The following GSE1 variants were observed in gnomAD, a reference collection of about 807,000 sequenced individuals.
GSE1 encodes the protein genetic suppressor element 1.
GSE1 carries 32 observed loss-of-function variants against 112.6 expected under a neutral mutation model. The observed-to-expected ratio is 0.28, with a 90% CI of 0.21 to 0.38. The LOEUF is 0.38. Ranked by LOEUF, GSE1 falls within the 10% of genes least tolerant of loss-of-function variation. The probability of loss-of-function intolerance (pLI) is 1.00; values close to 1 mark genes in which losing one functional copy is unlikely to be tolerated. For synonymous variants in GSE1, 1,115 were observed against 735.6 expected, an observed-to-expected ratio of 1.52 and a Z score of -8.35; for missense variants, 2,348 against 1,699.2, an observed-to-expected ratio of 1.38 and a Z score of -6.71.
At chr16:85,430,060 G>A (rs957889355) in intron 2 of GSE1, among the ~76,000 whole-genome samples, 1 of 152,228 alleles carries the variant, frequency 6.6e-6, no homozygotes, top group Non-Finnish European at 1.5e-5. Context: ...AGTCCTCGGG[G>A]AATCCATCGG....
chr16:85,410,986 C>T (rs1315125902), intron 2 of GSE1, among the ~76,000 whole-genome samples: 10 of 91,834 alleles, frequency 1.1e-4, no homozygotes, highest in East Asian at 3.1e-4. Flanking sequence ...CAGGGCCCCC[C>T]GGATAATCCT....
chr16:85,435,056 G>A (rs1001391365), intron 2 of GSE1, among the ~76,000 whole-genome samples: 8 of 152,228 alleles, frequency 5.3e-5, no homozygotes, highest in African/African-American at 1.2e-4. Context: ...ATCTTGATGC[G>A]CTTAATCATT....
intron 1 of GSE1, among the ~76,000 whole-genome samples, chr16:85,354,397 A>T (rs2046908927): frequency 1.3e-5 from 2 of 152,260 alleles, no homozygotes. Context: ...GCCCTAGATC[A>T]GTGCCTGGCA....
At chr16:85,392,986 T>C (rs536251769) in intron 2 of GSE1, among the ~76,000 whole-genome samples, 3 of 152,270 alleles carry the variant, frequency 2.0e-5, no homozygotes, top group Middle Eastern at 6.8e-3. Context: ...GGGCTCGGCC[T>C]CCTCCCTCAC....
In GSE1 at chr16:85,445,384, A is replaced by T. The variant is rs531457775; in HGVS notation, c.2464+87741A>T. On this transcript the variant is annotated intron_variant, in intron 2 of 2. Transcript: ENST00000637419. ...TGAACATGGGGGGCGGGAGAGGCTG[A>T]GGAAAGGTGGGCTGGACCAGCCCTC... is the stretch of plus-strand genomic sequence containing the variant. Among the ~76,000 whole-genome samples, 24 of 152,294 alleles carry T rather than the reference A, an allele frequency of 1.6e-4. No homozygotes were observed. In the South Asian group the frequency reaches 4.8e-3, roughly 30 times the overall value.
intron 2 of GSE1, among the ~76,000 whole-genome samples, chr16:85,522,282 C>T (rs2052211415): frequency 6.6e-6 from 1 of 152,268 alleles, no homozygotes; most frequent in South Asian, 2.1e-4. Context: ...CAAAGCCTGC[C>T]TGAGCTGTGG....
chr16:85,290,732 G>A (rs1296886023), intron 1 of GSE1, among the ~76,000 whole-genome samples: 1 of 151,944 alleles, frequency 6.6e-6, no homozygotes, highest in Non-Finnish European at 1.5e-5. Context: ...GATAGGAGAT[G>A]GCCACCCACG....
At chr16:85,558,164 G>C (rs2045328813) in intron 1 of GSE1, among the ~76,000 whole-genome samples, 1 of 152,212 alleles carries the variant, frequency 6.6e-6, no homozygotes, top group South Asian at 2.1e-4. Context: ...CCAGGTAAAT[G>C]AGGGCTGGGT....
At chr16:85,486,413 C>T (rs2050841503) in intron 2 of GSE1, among the ~76,000 whole-genome samples, 1 of 152,238 alleles carries the variant, frequency 6.6e-6, no homozygotes. Context: ...TTGCCCAGGG[C>T]CGCCGTTACC....
intron 2 of GSE1, among the ~76,000 whole-genome samples, chr16:85,376,106 C>T (rs909600137): frequency 1.4e-4 from 21 of 152,160 alleles, no homozygotes; most frequent in African/African-American, 4.6e-4. Flanking sequence ...GGTCCTCACC[C>T]CCGCCAAAGA....
At chr16:85,354,335 C>T (rs547651565) in intron 1 of GSE1, among the ~76,000 whole-genome samples, 1 of 152,370 alleles carries the variant, frequency 6.6e-6, no homozygotes, top group South Asian at 2.1e-4. Context: ...CAGTTCATCT[C>T]TTCCTGCCTC....
At chr16:85,409,327 T>C (rs370778261) in intron 2 of GSE1, among the ~76,000 whole-genome samples, 41 of 34,936 alleles carry the variant, frequency 1.2e-3, no homozygotes, top group South Asian at 1.4e-3. Flanking sequence ...TAATCCTCAC[T>C]GTTACACTCA....
chr16:85,566,983 T>C (rs1352851769), intron 1 of GSE1, among the ~76,000 whole-genome samples: 1 of 152,018 alleles, frequency 6.6e-6, no homozygotes, highest in Admixed American at 6.5e-5. Context: ...GTCGGAAGTG[T>C]CACGGCCTTT....
Position 85,373,885 on chromosome 16 carries a change from C to T in GSE1, c.2464+16242C>T, listed in dbSNP as rs78280133. 4.0e-3 allele frequency among the ~76,000 whole-genome samples: 605 copies of T among 152,258 alleles called. 4 individuals are homozygous for T. The highest frequency in any genetic ancestry group is 6.5e-3 in the Non-Finnish European group (443 of 68,006). ...CCAGTCTCTTTGTCTCTTTCATGAGCGGCAGCCTCCAGGCACCCGCCCGGC... is the reference window on the plus strand; with the variant it reads ...CCAGTCTCTTTGTCTCTTTCATGAGTGGCAGCCTCCAGGCACCCGCCCGGC... On this transcript the variant is annotated intron_variant, in intron 2 of 2. Transcript: ENST00000637419. This position sits in a 1 kb window ranked among gnomAD's most constrained non-coding sequence, Gnocchi z 5.1.
intron 2 of GSE1, among the ~76,000 whole-genome samples, chr16:85,479,624 C>T (rs1567521778): frequency 6.6e-6 from 1 of 152,102 alleles, no homozygotes; most frequent in Non-Finnish European, 1.5e-5. Flanking sequence ...TGTGTGTGGG[C>T]GTTATGTTTT....
chr16:85,565,399 A>G (rs2045699598), intron 1 of GSE1, among the ~76,000 whole-genome samples: 1 of 150,602 alleles, frequency 6.6e-6, no homozygotes, highest in Non-Finnish European at 1.5e-5. Flanking sequence ...TGTCTCAAAA[A>G]AAAAAACAAA....
At chr16:85,337,399 G>A (rs1275654227) in intron 1 of GSE1, among the ~76,000 whole-genome samples, 3 of 149,700 alleles carry the variant, frequency 2.0e-5, no homozygotes, top group African/African-American at 4.9e-5. Flanking sequence ...TCCGCCTCCC[G>A]GGTTCACGCC....
chr16:85,342,239 C>T (rs1049693421), intron 1 of GSE1, among the ~76,000 whole-genome samples: 9 of 152,164 alleles, frequency 5.9e-5, no homozygotes, highest in African/African-American at 1.9e-4. Flanking sequence ...TGCATCCGGA[C>T]GTGTATTTTT....
At chr16:85,178,169 A>G (rs2074506561) in intron 1 of GSE1, among the ~76,000 whole-genome samples, 1 of 152,168 alleles carries the variant, frequency 6.6e-6, no homozygotes, top group Non-Finnish European at 1.5e-5. Flanking sequence ...CTGAGAGCCT[A>G]TGGCAGGGTG....
Sources: allele counts gnomAD v4.1 joint callset (sites outside exome capture counted in the v4.1 genomes callset), GRCh38; gene constraint gnomAD v4.1.1; non-coding constraint Gnocchi (gnomAD v3.1); transcripts MANE v1.5; gene names NCBI Gene and HGNC (gene_info 2026-07-23, HGNC 2026-07-21).